The following CNN2 variants were observed in gnomAD, a reference collection of about 807,000 sequenced individuals.
CNN2 encodes the protein calponin 2, also known as calponin-2.
Under a neutral mutation model 31.0 loss-of-function variants are expected in CNN2, and 21 were observed. That is an observed-to-expected ratio of 0.68 (90% CI 0.48 to 0.98). CNN2 has a LOEUF of 0.98. Among genes scored for constraint, CNN2 ranks in the 50% least tolerant of loss-of-function variants. The probability of loss-of-function intolerance (pLI) is 0.00; values close to 1 mark genes in which losing one functional copy is unlikely to be tolerated. For synonymous variants in CNN2, 165 were observed against 179.6 expected (o/e 0.92, Z 0.65); for missense variants, 399 against 427.3 (o/e 0.93, Z 0.58).
At chr19:1,036,589 T>G in intron 6 of CNN2, 27 bp downstream of exon 6, 1 of 1,613,266 alleles carries the variant, frequency 6.2e-7, no homozygotes, top group Non-Finnish European at 8.5e-7. Flanking sequence ...TGCCCCCGAC[T>G]CCTCTCCCTG....
intron 1 of CNN2, 57 bp from the exon 2 acceptor site, chr19:1,031,014 G>A (rs2144618768): frequency 1.3e-6 from 2 of 1,563,726 alleles, no homozygotes; most frequent in East Asian, 2.3e-5. Context: ...GCTTCTGTGG[G>A]GTTCCTGCTG....
intron 4 of CNN2, among the ~76,000 whole-genome samples, chr19:1,035,522 G>A (rs529166782): frequency 6.6e-6 from 1 of 152,292 alleles, no homozygotes; most frequent in African/African-American, 2.4e-5. Context: ...AGAGGAGGTG[G>A]TGGAAGGTGA....
At chr19:1,033,009 C>G (rs1014506595) in intron 4 of CNN2, 2 of 271,798 alleles carry the variant, frequency 7.4e-6, no homozygotes, top group Admixed American at 9.4e-5. Flanking sequence ...GAACTCTTGA[C>G]TTCAGGTGAT....
chr19:1,030,482 TG>T (rs2039470233), intron 1 of CNN2, among the ~76,000 whole-genome samples: 1 of 151,798 alleles, frequency 6.6e-6, no homozygotes, highest in African/African-American at 2.4e-5. Context: ...AAAAATGAGC[TG>T]GGCCTGGTGG....
At chr19:1,030,975 C>T in intron 1 of CNN2, 96 bp from the exon 2 acceptor site, 1 of 1,445,852 alleles carries the variant, frequency 6.9e-7, no homozygotes, top group Non-Finnish European at 9.3e-7. Flanking sequence ...TGCTGTTGCC[C>T]TGGAGTCCCC....
intron 1 of CNN2, among the ~76,000 whole-genome samples, chr19:1,027,455 G>T (rs561015758): frequency 6.6e-6 from 1 of 152,348 alleles, no homozygotes; most frequent in African/African-American, 2.4e-5. Flanking sequence ...TGGGTGGATG[G>T]CTTGAGCCCA....
chr19:1,029,202 A>G (rs1405223489), intron 1 of CNN2, among the ~76,000 whole-genome samples: 9 of 79,108 alleles, frequency 1.1e-4, no homozygotes, highest in African/African-American at 6.3e-4. Context: ...TTCCAGGCAG[A>G]TCTAGCTCAG....
At chr19:1,037,154 GGCCACACCCA>G (rs1374614362) in intron 6 of CNN2, 1 of 189,066 alleles carries the variant, frequency 5.3e-6, no homozygotes, top group Admixed American at 5.4e-5. Context: ...CACCGCACCC[GGCCACACCCA>G]GCTAATTTTT....
Position 1,031,103 on chromosome 19 carries a change from A to G in CNN2, c.96A>G (p.Ala32=), listed in dbSNP as rs779444544. 12 of 1,613,136 alleles carry G rather than the reference A, an allele frequency of 7.4e-6. No homozygotes were observed. In the African/African-American group the frequency reaches 1.3e-4, roughly 18 times the overall value. The stretch of plus-strand genomic sequence containing the variant: ...CCAAATATGACCCCCAGAAGGAGGC[A>G]GAGCTCCGCACCTGGATCGAGGGAC... The part of the protein sequence containing the change: ...LLSKYDPQKE[A]ELRTWIEGLT... Residue 32 remains alanine (A), a synonymous_variant, in exon 2 of 7, where the codon GCA becomes GCG. Transcript: ENST00000263097.
chr19:1,032,811 C>T, intron 4 of CNN2, 115 bp downstream of exon 4: 2 of 806,724 alleles, frequency 2.5e-6, no homozygotes, highest in Non-Finnish European at 4.0e-6. Context: ...CGGAGTCTCA[C>T]TCTGTCACTC....
intron 1 of CNN2, 176 bp from the exon 2 acceptor site, chr19:1,030,895 C>T (rs998507723): frequency 3.6e-5 from 27 of 758,354 alleles, no homozygotes; most frequent in Middle Eastern, 4.2e-4. Context: ...GTGGCTGGGG[C>T]GCCCCCAATG....
In CNN2 at chr19:1,032,419, C is replaced by A; in HGVS notation, c.213C>A (p.Ser71=). The A allele has an allele frequency of 6.2e-7, 1 of 1,613,640 alleles. No homozygotes were observed. Among genetic ancestry groups the A allele is most frequent in the Non-Finnish European group, 8.5e-7 (1 of 1,179,994 alleles). Residue 71 remains serine (S), a synonymous_variant, in exon 3 of 7, where the codon TCC becomes TCA. Coordinates refer to ENST00000263097, the MANE Select transcript of CNN2 (RefSeq NM_004368.4). ...CTLMNKLQPG[S]VPKINRSMQN... is the part of the protein sequence containing the mutation. ...TCATGAACAAGCTACAGCCGGGCTC[C>A]GTCCCCAAGATCAACCGCTCCATGC...
chr19:1,037,220 C>T (rs1767223256), intron 6 of CNN2: 1 of 221,758 alleles, frequency 4.5e-6, no homozygotes, highest in Non-Finnish European at 9.2e-6. Flanking sequence ...TCAGGCTAGT[C>T]TTGAACTCCT....
chr19:1,028,760 C>T (rs537619393), intron 1 of CNN2, among the ~76,000 whole-genome samples: 10 of 152,122 alleles, frequency 6.6e-5, no homozygotes, highest in African/African-American at 2.4e-4. Context: ...GACCTGGGCC[C>T]CTGAGCCGGC....
chr19:1,028,771 A>T (rs1244815338), intron 1 of CNN2, among the ~76,000 whole-genome samples: 1 of 152,142 alleles, frequency 6.6e-6, no homozygotes, highest in Non-Finnish European at 1.5e-5. Context: ...CTGAGCCGGC[A>T]GAGACGCGGC....
chr19:1,033,226 T>C (rs2039528210), intron 4 of CNN2, among the ~76,000 whole-genome samples: 1 of 152,032 alleles, frequency 6.6e-6, no homozygotes, highest in East Asian at 1.9e-4. Context: ...ATGCATTATA[T>C]GTAAGCTCTG....
Position 1,032,476 on chromosome 19 carries a change from C to T in CNN2, c.252+18C>T, listed in dbSNP as rs368650323. The T allele has an allele frequency of 9.3e-6, 15 of 1,613,290 alleles. No homozygotes were observed. The highest frequency in any genetic ancestry group is 1.6e-4 in the Middle Eastern group (1 of 6,080). ...GGCACCAGGTGAGGGGCTGGTGGAG[C>T]GGAGCAGGGATGGTGCTGGGGGCCC... is the stretch of plus-strand genomic sequence containing the variant. On this transcript the variant is annotated intron_variant, in intron 3 of 6. Transcript: ENST00000263097.
In CNN2 at chr19:1,036,147, G is replaced by A. The variant is rs1021295171; in HGVS notation, c.408G>A (p.Leu136=). Residue 136 remains leucine (L), a synonymous_variant, in exon 5 of 7, where the codon CTG becomes CTA. Coordinates refer to ENST00000263097, the MANE Select transcript of CNN2 (RefSeq NM_004368.4). ...TCACCCAGGCCAAGACTAAGGGGCT[G>A]CAGAGCGGGGTGGACATTGGCGTCA... The part of the protein sequence containing the change: ...ALAGKAKTKG[L]QSGVDIGVKY... 10 of 1,611,856 alleles carry A rather than the reference G, an allele frequency of 6.2e-6. No homozygotes were observed. The highest frequency in any genetic ancestry group is 8.5e-6 in the Non-Finnish European group (10 of 1,178,956).
At chr19:1,028,050 C>A (rs937487497) in intron 1 of CNN2, among the ~76,000 whole-genome samples, 5 of 152,302 alleles carry the variant, frequency 3.3e-5, no homozygotes, top group African/African-American at 1.2e-4. Context: ...TTCATAGAGC[C>A]CCCCGTGCAG....
Sources: gnomAD v4.1 joint callset for allele counts (sites outside exome capture counted in the v4.1 genomes callset) on GRCh38, gnomAD v4.1.1 for gene constraint, MANE v1.5 for transcripts, NCBI Gene and HGNC (gene_info 2026-07-23, HGNC 2026-07-21) for gene names.